The following PRKCZ variants were observed in gnomAD, a reference collection of about 807,000 sequenced individuals.
The protein encoded by PRKCZ is protein kinase C zeta, also known as protein kinase C zeta type.
A neutral mutation model predicts 79.5 loss-of-function variants in PRKCZ; 33 were observed. The observed-to-expected ratio is 0.41, with a 90% CI of 0.31 to 0.55. The LOEUF is 0.55. Ranked by LOEUF, PRKCZ falls within the 20% of genes least tolerant of loss-of-function variation. The pLI, the probability that PRKCZ is intolerant of heterozygous loss-of-function variation, is 0.19. For synonymous variants in PRKCZ, 342 were observed against 320.9 expected (o/e 1.07, Z -0.70); for missense variants, 578 against 813.5 (o/e 0.71, Z 3.52).
chr1:2,102,529 T>A (rs1571381834), intron 4 of PRKCZ, among the ~76,000 whole-genome samples: 2 of 151,874 alleles, frequency 1.3e-5, no homozygotes, highest in South Asian at 4.2e-4. Context: ...AGATGGGGTT[T>A]CACTGTGTTA....
intron 3 of PRKCZ, among the ~76,000 whole-genome samples, chr1:2,057,614 C>T (rs1660289852): frequency 6.6e-6 from 1 of 152,158 alleles, no homozygotes; most frequent in Admixed American, 6.5e-5. Flanking sequence ...AACTGTAATC[C>T]CAGCACTTTG....
intron 4 of PRKCZ, chr1:2,073,766 G>C: frequency 9.9e-7 from 1 of 1,010,690 alleles, no homozygotes; most frequent in Non-Finnish European, 1.2e-6. Context: ...CCGGCCTTCC[G>C]TTAAATATCT....
intron 4 of PRKCZ, chr1:2,071,205 A>T (rs993337127): frequency 3.8e-6 from 1 of 265,950 alleles, no homozygotes; most frequent in Admixed American, 5.3e-5. Context: ...CCTCCTCTGT[A>T]AAAGGGGGCT....
chr1:2,185,032 G>C lies in PRKCZ; in HGVS notation c.*23G>C, dbSNP rs1687370560. 1.9e-6 allele frequency: 3 copies of C among 1,586,932 alleles called. No homozygotes were observed. In the African/African-American group the frequency reaches 4.0e-5, roughly 21 times the overall value. On this transcript the variant is annotated 3_prime_UTR_variant, in exon 18 of 18. Coordinates refer to ENST00000378567, the MANE Select transcript of PRKCZ (RefSeq NM_002744.6). ...TGAGGCCGCGTGCGTCTCTGTCGTG[G>C]ACACGCGTGATTGACCCTTTAACTG...
chr1:2,093,852 G>A (rs1198594808), intron 4 of PRKCZ, among the ~76,000 whole-genome samples: 1 of 152,100 alleles, frequency 6.6e-6, no homozygotes, highest in Non-Finnish European at 1.5e-5. Context: ...GGCGGGCACG[G>A]GACGAGCCGA....
rs1684886780 is a variant in PRKCZ at position 2,173,572 on chromosome 1, T to G, written c.1286-325T>G. Among the ~76,000 whole-genome samples the G allele has an allele frequency of 6.6e-6, 1 of 152,240 alleles. No homozygotes were observed. Among genetic ancestry groups the G allele is most frequent in the Admixed American group, 6.5e-5 (1 of 15,286 alleles). ...AAGGGCTTCTTCAAGCTTAGTTCTG[T>G]AGAAGCAGAAACGAGAGAGGAGGGT... On this transcript the variant is annotated intron_variant, in intron 13 of 17. Transcript: ENST00000378567. This position sits in a 1 kb window ranked among gnomAD's most constrained non-coding sequence, Gnocchi z 5.7.
chr1:2,162,307 G>T (rs262649), intron 10 of PRKCZ, among the ~76,000 whole-genome samples: 36,757 of 152,034 alleles, frequency 0.24, 4,958 homozygotes, highest in Admixed American at 0.33. Context: ...AATCTTTGTA[G>T]TTTTAGTAGA....
intron 3 of PRKCZ, among the ~76,000 whole-genome samples, chr1:2,057,019 C>T (rs1251148427): frequency 2.6e-5 from 4 of 152,192 alleles, no homozygotes; most frequent in Admixed American, 6.5e-5. Context: ...TGAGCCACCG[C>T]GCCCGGCCTT....
rs1401444125 is a variant in PRKCZ at position 2,174,541 on chromosome 1, G to A, written c.1406-213G>A. Among the ~76,000 whole-genome samples, 2 of 152,242 alleles carry A rather than the reference G, an allele frequency of 1.3e-5. No individual in the cohort carries two copies. Among genetic ancestry groups the A allele is most frequent in the Non-Finnish European group, 2.9e-5 (2 of 68,044 alleles). ...GAAGGGGAGCTGCTGGTTCACGTCC[G>A]ATCCTACGACACGTGCCAGCGCATG... is the stretch of plus-strand genomic sequence containing the variant. On this transcript the variant is annotated intron_variant, in intron 14 of 17. Coordinates refer to ENST00000378567, the MANE Select transcript of PRKCZ (RefSeq NM_002744.6). This position sits in a 1 kb window ranked among gnomAD's most constrained non-coding sequence, Gnocchi z 6.2.
At chr1:2,104,898 G>A in intron 4 of PRKCZ, 1 of 985,490 alleles carries the variant, frequency 1.0e-6, no homozygotes, top group Non-Finnish European at 1.2e-6. Flanking sequence ...TTTTCAGGGT[G>A]AGTAGCCTTT....
At chr1:2,121,457 G>C (rs1380578599) in intron 4 of PRKCZ, among the ~76,000 whole-genome samples, 1 of 151,676 alleles carries the variant, frequency 6.6e-6, no homozygotes. Context: ...GCGGTAGTTA[G>C]TTAGAGTCAT....
At chr1:2,080,022 C>T (rs1046719181) in intron 4 of PRKCZ, among the ~76,000 whole-genome samples, 1 of 152,202 alleles carries the variant, frequency 6.6e-6, no homozygotes, top group Non-Finnish European at 1.5e-5. Context: ...ACAGCAGGTG[C>T]CCCACTTTCC....
Position 2,146,047 on chromosome 1 carries a change from A to G in PRKCZ, c.573A>G (p.Gln191=). 6.2e-7 allele frequency: 1 copy of G among 1,613,998 alleles called. No homozygotes were observed. The highest frequency in any genetic ancestry group is 8.5e-7 in the Non-Finnish European group (1 of 1,179,864). The change falls in exon 7 of 18, where the codon CAA becomes CAG. Residue 191 remains glutamine, a synonymous_variant. Transcript: ENST00000378567. ...RKHMDSVMPS[Q]EPPVDDKNED... is the part of the protein sequence containing the mutation. Reference sequence around the variant, plus strand: ...GGCAGGATTCTGTCATGCCTTCCCAAGAGCCTCCAGTAGACGACAAGAACG... The same window carrying G: ...GGCAGGATTCTGTCATGCCTTCCCAGGAGCCTCCAGTAGACGACAAGAACG...
chr1:2,172,941 T>C lies in PRKCZ; in HGVS notation c.1285+553T>C, dbSNP rs753224565. On this transcript the variant is annotated intron_variant, in intron 13 of 17. Transcript: ENST00000378567. This position sits in a 1 kb window ranked among gnomAD's most constrained non-coding sequence, Gnocchi z 7.8. ...CGTGTGTGCGTGTGTGAAACGGGGA[T>C]GTGGGCACGCGTGTGCAGCCGTGTG... is the stretch of plus-strand genomic sequence containing the variant. Among the ~76,000 whole-genome samples, 7 of 145,704 alleles carry C rather than the reference T, an allele frequency of 4.8e-5. No individual in the cohort carries two copies. The highest frequency in any genetic ancestry group is 7.7e-5 in the African/African-American group (3 of 38,740).
intron 4 of PRKCZ, among the ~76,000 whole-genome samples, chr1:2,084,171 C>T (rs768720938): frequency 2.0e-5 from 3 of 152,164 alleles, no homozygotes; most frequent in Non-Finnish European, 2.9e-5. Flanking sequence ...ACCTGGGAGG[C>T]GGAGGTTGCG....
Position 2,184,445 on chromosome 1 carries a change from T to G in PRKCZ, c.1576-138T>G, listed in dbSNP as rs1020302441. On this transcript the variant is annotated intron_variant, in intron 16 of 17. Transcript: ENST00000378567. ...GATTTTGTGTTGTAAGAAAAAACAC[T>G]TGGCAGTCAAATACTAGGCAGATTG... 6.4e-6 allele frequency: 4 copies of G among 622,274 alleles called. No homozygotes were observed. The Admixed American group carries it at 9.5e-5, about 15-fold the overall frequency. 38.5% of individuals were successfully genotyped at this position (622,274 alleles called of 1,614,324 possible).
chr1:2,184,581 A>G lies in PRKCZ; in HGVS notation c.1576-2A>G. The G allele has an allele frequency of 6.2e-7, 1 of 1,613,284 alleles. No individual in the cohort carries two copies. Among genetic ancestry groups the G allele is most frequent in the Non-Finnish European group, 8.5e-7 (1 of 1,179,642 alleles). On this transcript the variant is annotated splice_acceptor_variant, in intron 16 of 17. Transcript: ENST00000378567. LOFTEE classifies it high-confidence loss of function. ...TGACCCTTCTCCTATTGTTTTTCCA[A>G]GCTGGAGAAGAAGCAGGCGCTCCCT...
chr1:2,148,078 CTATT>C (rs1236442258), intron 7 of PRKCZ, among the ~76,000 whole-genome samples: 1 of 80,804 alleles, frequency 1.2e-5, no homozygotes, highest in Non-Finnish European at 2.4e-5. Flanking sequence ...ATCCATCCAT[CTATT>C]GTCTACTGAC....
chr1:2,055,405 C>A (rs779245892), intron 1 of PRKCZ, 36 bp from the exon 2 acceptor site: 2 of 1,561,578 alleles, frequency 1.3e-6, no homozygotes, highest in South Asian at 1.2e-5. Context: ...CAAATATGCC[C>A]CACGGTAACA....
Sources: gnomAD v4.1 joint callset for allele counts (sites outside exome capture counted in the v4.1 genomes callset) on GRCh38, gnomAD v4.1.1 for gene constraint, Gnocchi (gnomAD v3.1) non-coding constraint, MANE v1.5 for transcripts, NCBI Gene and HGNC (gene_info 2026-07-23, HGNC 2026-07-21) for gene names.